Variants in KCNQ5 observed in about 807,000 individuals in gnomAD.
The protein encoded by KCNQ5 is potassium voltage-gated channel subfamily KQT member 5.
In KCNQ5, 30 loss-of-function variants were observed where a neutral mutation model predicts 98.2. The observed-to-expected ratio is 0.31, with a 90% CI of 0.23 to 0.41. The LOEUF (loss-of-function observed/expected upper bound fraction) is 0.41. KCNQ5 is among the 10% of genes least tolerant of loss of function. The pLI is 1.00. For synonymous variants in KCNQ5, 458 were observed against 449.4 expected (o/e 1.02, Z -0.24); for missense variants, 835 against 1,182.5 (o/e 0.71, Z 4.31).
intron 10 of KCNQ5, among the ~76,000 whole-genome samples, chr6:73,142,347 G>C (rs985485603): frequency 6.6e-6 from 1 of 152,130 alleles, no homozygotes; most frequent in Non-Finnish European, 1.5e-5. Context: ...TTAAATTGCA[G>C]ATTTCAACCA....
intron 1 of KCNQ5, among the ~76,000 whole-genome samples, chr6:72,920,449 C>T (rs771993934): frequency 1.9e-4 from 29 of 152,098 alleles, no homozygotes; most frequent in Admixed American, 3.3e-4. Context: ...TGTTGGAATA[C>T]GCATCTAAGA....
chr6:73,176,962 G>A (rs1025442808), intron 11 of KCNQ5, among the ~76,000 whole-genome samples: 1 of 152,200 alleles, frequency 6.6e-6, no homozygotes. Context: ...CAACACAGAA[G>A]TCTAAGGCTC....
At chr6:73,087,391 A>G (rs1462434287) in intron 5 of KCNQ5, among the ~76,000 whole-genome samples, 1 of 152,196 alleles carries the variant, frequency 6.6e-6, no homozygotes, top group African/African-American at 2.4e-5. Context: ...CTTGGTTAAG[A>G]CAGGAAGGAA....
At chr6:72,795,400 T>C (rs1774276030) in intron 1 of KCNQ5, among the ~76,000 whole-genome samples, 1 of 152,210 alleles carries the variant, frequency 6.6e-6, no homozygotes, top group South Asian at 2.1e-4. Flanking sequence ...AGTCAGATAT[T>C]GCAAAAATTT....
At chr6:73,137,776 T>A (rs999734648) in intron 10 of KCNQ5, among the ~76,000 whole-genome samples, 2 of 152,200 alleles carry the variant, frequency 1.3e-5, no homozygotes, top group Non-Finnish European at 2.9e-5. Flanking sequence ...GGAGCCACCA[T>A]GCACATGCAG....
intron 1 of KCNQ5, among the ~76,000 whole-genome samples, chr6:72,783,419 GA>G (rs531938475): frequency 1.3e-5 from 2 of 151,606 alleles, no homozygotes; most frequent in African/African-American, 2.4e-5. Context: ...TAACATGCTG[GA>G]AAAAAAATAG....
intron 2 of KCNQ5, among the ~76,000 whole-genome samples, chr6:73,032,708 A>ATT (rs1480232128): frequency 6.6e-6 from 1 of 152,148 alleles, no homozygotes; most frequent in African/African-American, 2.4e-5. Context: ...ACAGCAAGCC[A>ATT]TTTTCAATGT....
At chr6:72,879,539 A>C (rs997490795) in intron 1 of KCNQ5, among the ~76,000 whole-genome samples, 3 of 152,142 alleles carry the variant, frequency 2.0e-5, no homozygotes, top group Admixed American at 2.0e-4. Context: ...ATCTTCTCTT[A>C]GACACTTTAC....
intron 1 of KCNQ5, among the ~76,000 whole-genome samples, chr6:72,898,260 G>A (rs771508421): frequency 3.3e-5 from 5 of 152,026 alleles, no homozygotes; most frequent in African/African-American, 9.7e-5. Context: ...CTATCAACCC[G>A]TCAGTGAGGT....
chr6:73,037,570 T>C (rs1444478607), intron 2 of KCNQ5, among the ~76,000 whole-genome samples: 1 of 152,210 alleles, frequency 6.6e-6, no homozygotes, highest in African/African-American at 2.4e-5. Context: ...GTCCACTTTT[T>C]TGCCTATAGA....
chr6:73,173,005 C>G (rs763493529), intron 11 of KCNQ5, among the ~76,000 whole-genome samples: 16 of 152,132 alleles, frequency 1.1e-4, no homozygotes, highest in Non-Finnish European at 1.9e-4. Flanking sequence ...ACTAAGGACA[C>G]TCTCTGAATT....
intron 1 of KCNQ5, among the ~76,000 whole-genome samples, chr6:72,956,703 G>A (rs2150261089): frequency 6.6e-6 from 1 of 151,872 alleles, no homozygotes; most frequent in African/African-American, 2.4e-5. Flanking sequence ...GCTGTACCCA[G>A]CCTTTGCTTT....
At chr6:73,175,575 A>G (rs867397004) in intron 11 of KCNQ5, among the ~76,000 whole-genome samples, 2 of 152,204 alleles carry the variant, frequency 1.3e-5, no homozygotes, top group African/African-American at 2.4e-5. Context: ...AAGCAACAGG[A>G]TAATGAAAGG....
At chr6:72,987,157 A>T (rs1300633136) in intron 1 of KCNQ5, 1 of 663,400 alleles carries the variant, frequency 1.5e-6, no homozygotes, top group African/African-American at 1.8e-5. Flanking sequence ...GAGAAGAAAA[A>T]GATGAAGTCC....
At chr6:72,728,675 AAG>A (rs1420042974) in intron 1 of KCNQ5, among the ~76,000 whole-genome samples, 2 of 152,212 alleles carry the variant, frequency 1.3e-5, no homozygotes, top group African/African-American at 2.4e-5. Flanking sequence ...TAGAGAGAAA[AAG>A]AGATTGTATC....
intron 1 of KCNQ5, among the ~76,000 whole-genome samples, chr6:72,632,103 C>A (rs76546252): frequency 6.6e-6 from 1 of 151,346 alleles, no homozygotes; most frequent in Non-Finnish European, 1.5e-5. Flanking sequence ...CTTTACTTTG[C>A]CTGTTAGAGT....
At chr6:73,040,497 C>T (rs1403275987) in intron 2 of KCNQ5, among the ~76,000 whole-genome samples, 2 of 152,158 alleles carry the variant, frequency 1.3e-5, no homozygotes, top group African/African-American at 4.8e-5. Context: ...AATGAACAGA[C>T]TCAACTACCC....
intron 1 of KCNQ5, among the ~76,000 whole-genome samples, chr6:72,854,823 C>A (rs2150146477): frequency 6.7e-6 from 1 of 149,390 alleles, no homozygotes; most frequent in African/African-American, 2.5e-5. Flanking sequence ...CTTTATAACG[C>A]TGGTTGAGAA....
chr6:72,995,783 C>A (rs1282941184), intron 1 of KCNQ5, among the ~76,000 whole-genome samples: 4 of 152,088 alleles, frequency 2.6e-5, no homozygotes, highest in Non-Finnish European at 5.9e-5. Context: ...TAAAGACTTT[C>A]CAGAAATCCA....
Sources: allele counts gnomAD v4.1 joint callset (sites outside exome capture counted in the v4.1 genomes callset), GRCh38; gene constraint gnomAD v4.1.1; transcripts MANE v1.5; gene names NCBI Gene and HGNC (gene_info 2026-07-23, HGNC 2026-07-21).